CAMKMT: variants seen among roughly 807,000 people sequenced by gnomAD.
The protein encoded by CAMKMT is CaM KMT.
A neutral mutation model predicts 48.0 loss-of-function variants in CAMKMT; 53 were observed. That is an observed-to-expected ratio of 1.10 (90% CI 0.89 to 1.39). The LOEUF is 1.39. Ranked by LOEUF, CAMKMT falls within the 40% of genes most tolerant of loss-of-function variation. The pLI, the probability that CAMKMT is intolerant of heterozygous loss-of-function variation, is 0.00. For missense variants in CAMKMT, 428 were observed against 402.7 expected (o/e 1.06, Z -0.54); for synonymous variants, 165 against 152.3 (o/e 1.08, Z -0.61).
chr2:44,428,151 T>A (rs1439123507), intron 3 of CAMKMT, among the ~76,000 whole-genome samples: 1 of 152,138 alleles, frequency 6.6e-6, no homozygotes, highest in African/African-American at 2.4e-5. Flanking sequence ...TAGGTTCTTG[T>A]CCAGTGTCCA....
chr2:44,694,735 C>T (rs1283791886), intron 3 of CAMKMT, among the ~76,000 whole-genome samples: 1 of 152,210 alleles, frequency 6.6e-6, no homozygotes, highest in Non-Finnish European at 1.5e-5. Context: ...ACAAATTCAA[C>T]AGGCCCAGTT....
intron 6 of CAMKMT, 24 bp downstream of exon 6, chr2:44,707,486 G>T (rs376844805): frequency 1.2e-6 from 2 of 1,602,140 alleles, no homozygotes; most frequent in South Asian, 2.2e-5. Flanking sequence ...GATAGAAAAC[G>T]GGTTTGTTGT....
At chr2:44,377,953 G>A (rs922997293) in intron 2 of CAMKMT, among the ~76,000 whole-genome samples, 1 of 152,164 alleles carries the variant, frequency 6.6e-6, no homozygotes. Flanking sequence ...TATGAAATTA[G>A]ATGTATGGCA....
chr2:44,619,463 G>GTATATATA (rs5830799), intron 3 of CAMKMT, among the ~76,000 whole-genome samples: 7 of 149,938 alleles, frequency 4.7e-5, no homozygotes, highest in South Asian at 4.2e-4. Context: ...GATTATGTGT[G>GTATATATA]TATATATATA....
chr2:44,628,460 C>G (rs1672620252), intron 3 of CAMKMT, among the ~76,000 whole-genome samples: 1 of 151,648 alleles, frequency 6.6e-6, no homozygotes, highest in South Asian at 2.1e-4. Context: ...TTCTAGCTTC[C>G]AAAAGCTAAT....
intron 3 of CAMKMT, among the ~76,000 whole-genome samples, chr2:44,552,204 C>T (rs760315007): frequency 6.6e-6 from 1 of 152,014 alleles, no homozygotes; most frequent in Non-Finnish European, 1.5e-5. Context: ...ATTTAGCTCC[C>T]GTTTGTGAGT....
intron 3 of CAMKMT, among the ~76,000 whole-genome samples, chr2:44,587,364 G>C (rs923900530): frequency 2.0e-5 from 3 of 152,090 alleles, no homozygotes; most frequent in Admixed American, 6.5e-5. Flanking sequence ...TCTTTTGTCA[G>C]ATTTACCCCT....
At chr2:44,609,076 T>C (rs1671456770) in intron 3 of CAMKMT, among the ~76,000 whole-genome samples, 2 of 152,228 alleles carry the variant, frequency 1.3e-5, no homozygotes, top group Non-Finnish European at 2.9e-5. Flanking sequence ...AAGATTGCTT[T>C]TCCACTTGTT....
At chr2:44,368,200 T>G (rs746142319) in intron 1 of CAMKMT, among the ~76,000 whole-genome samples, 1 of 152,224 alleles carries the variant, frequency 6.6e-6, no homozygotes, top group Non-Finnish European at 1.5e-5. Context: ...TGACTATTCC[T>G]TCACCCCAGA....
chr2:44,378,051 A>G (rs1330479524), intron 2 of CAMKMT, among the ~76,000 whole-genome samples: 7 of 152,218 alleles, frequency 4.6e-5, no homozygotes, highest in South Asian at 4.1e-4. Flanking sequence ...TACTGCATCT[A>G]TATTTAAAAG....
At chr2:44,548,582 C>T (rs1389966132) in intron 3 of CAMKMT, among the ~76,000 whole-genome samples, 2 of 152,150 alleles carry the variant, frequency 1.3e-5, no homozygotes, top group Admixed American at 6.5e-5. Flanking sequence ...AATCAGTTGA[C>T]CATAAAGCAG....
chr2:44,594,856 A>G lies in CAMKMT; in HGVS notation c.377-109427A>G, dbSNP rs554256571. Among the ~76,000 whole-genome samples, 5 of 152,356 alleles carry G rather than the reference A, an allele frequency of 3.3e-5. 1 individual carries two copies. The highest frequency in any genetic ancestry group is 1.2e-4 in the African/African-American group (5 of 41,596). On this transcript the variant is annotated intron_variant, in intron 3 of 10. Transcript: ENST00000378494. ...GAGCTTCTGCACAGCAAAAGAAACT[A>G]TCATCAGAGTGAACAGGCAACCTAC...
chr2:44,388,758 T>C (rs1214560437), intron 2 of CAMKMT, among the ~76,000 whole-genome samples: 1 of 152,174 alleles, frequency 6.6e-6, no homozygotes, highest in Non-Finnish European at 1.5e-5. Flanking sequence ...TGAGCAGAAC[T>C]GCTGTGATGT....
chr2:44,580,829 C>G (rs1191577763), intron 3 of CAMKMT, among the ~76,000 whole-genome samples: 2 of 152,202 alleles, frequency 1.3e-5, no homozygotes, highest in African/African-American at 2.4e-5. Context: ...TAGCATTGAT[C>G]TGCCCCGGTC....
At chr2:44,414,495 T>C (rs1683416224) in intron 3 of CAMKMT, among the ~76,000 whole-genome samples, 1 of 152,204 alleles carries the variant, frequency 6.6e-6, no homozygotes. Context: ...TTTTTCACCC[T>C]GTGGGCCTTC....
chr2:44,655,448 A>C (rs1035204033), intron 3 of CAMKMT, among the ~76,000 whole-genome samples: 1 of 152,214 alleles, frequency 6.6e-6, no homozygotes, highest in African/African-American at 2.4e-5. Flanking sequence ...ATGTCATTGG[A>C]CCATGAACTA....
intron 9 of CAMKMT, among the ~76,000 whole-genome samples, chr2:44,761,581 C>T (rs1281398276): frequency 6.6e-6 from 1 of 152,232 alleles, no homozygotes; most frequent in Admixed American, 6.5e-5. Flanking sequence ...TGGTCTTCCT[C>T]TTATCCCTCC....
At chr2:44,538,101 C>T (rs1017332853) in intron 3 of CAMKMT, among the ~76,000 whole-genome samples, 9 of 152,020 alleles carry the variant, frequency 5.9e-5, no homozygotes, top group Non-Finnish European at 1.3e-4. Flanking sequence ...CGGGCGTGGT[C>T]GCTCACACCT....
At position 44,743,783 on chromosome 2, in the gene CAMKMT, G is replaced by A. The variant is rs534282810; in HGVS notation, c.698+87G>A. ...GCTGTGTTGCTTAGCTGACGGCTAA[G>A]CAAAGTCAACAAATGAAGCACAAAG... On this transcript the variant is annotated intron_variant, in intron 8 of 10. Coordinates refer to ENST00000378494, the MANE Select transcript of CAMKMT (RefSeq NM_024766.5). The A allele has an allele frequency of 9.4e-6, 9 of 956,652 alleles. No individual in the cohort carries two copies. In the East Asian group the frequency reaches 2.2e-4, roughly 24 times the overall value. 59.3% of individuals were successfully genotyped at this position (956,652 alleles called of 1,614,324 possible). A position where few individuals can be genotyped will look rare whatever the true frequency, so the allele number is the denominator to read the frequency against.
Sources: gnomAD v4.1 joint callset for allele counts (sites outside exome capture counted in the v4.1 genomes callset) on GRCh38, gnomAD v4.1.1 for gene constraint, MANE v1.5 for transcripts, NCBI Gene and HGNC (gene_info 2026-07-23, HGNC 2026-07-21) for gene names.